The following FMN2 variants were observed in gnomAD, a reference collection of about 807,000 sequenced individuals.
FMN2 encodes the protein formin-2.
In FMN2, 51 loss-of-function variants were observed where a neutral mutation model predicts 142.3. The observed-to-expected ratio is 0.36, with a 90% CI of 0.29 to 0.45. The LOEUF (loss-of-function observed/expected upper bound fraction) is 0.45. FMN2 is among the 20% of genes least tolerant of loss of function. The pLI, the probability that FMN2 is intolerant of heterozygous loss-of-function variation, is 1.00. For synonymous variants in FMN2, 882 were observed against 869.8 expected, an observed-to-expected ratio of 1.01 and a Z score of -0.25; for missense variants, 1,936 against 2,122.8, an observed-to-expected ratio of 0.91 and a Z score of 1.73.
rs565860016 is a variant in FMN2 at position 240,228,119 on chromosome 1, C to T, written c.4065+16884C>T. ...GGGAGTTTGAGACCAGCCTGACCAA[C>T]ATGGAGAAACCCCATCTCTACTAAA... On this transcript the variant is annotated intron_variant, in intron 6 of 17. Coordinates refer to ENST00000319653, the MANE Select transcript of FMN2 (RefSeq NM_020066.5). Among the ~76,000 whole-genome samples the T allele has an allele frequency of 2.0e-5, 3 of 151,736 alleles. No individual in the cohort carries two copies. In the East Asian group the frequency reaches 5.8e-4, roughly 30 times the overall value.
At chr1:240,238,532 T>C (rs1667783230) in intron 6 of FMN2, among the ~76,000 whole-genome samples, 1 of 152,230 alleles carries the variant, frequency 6.6e-6, no homozygotes, top group Non-Finnish European at 1.5e-5. Flanking sequence ...GCGTGACTTA[T>C]TTAATCTTGT....
intron 1 of FMN2, among the ~76,000 whole-genome samples, chr1:240,101,983 T>C (rs2103177720): frequency 6.6e-6 from 1 of 152,324 alleles, no homozygotes; most frequent in South Asian, 2.1e-4. Context: ...CTTGGATGGA[T>C]TGTAGGCTTT....
chr1:240,118,508 CGTT>C (rs1370803253), intron 1 of FMN2, among the ~76,000 whole-genome samples: 1 of 152,130 alleles, frequency 6.6e-6, no homozygotes, highest in Non-Finnish European at 1.5e-5. Context: ...CCCCCTTCCT[CGTT>C]GTTGCTAACT....
chr1:240,215,267 A>G (rs1191317017), intron 6 of FMN2, among the ~76,000 whole-genome samples: 1 of 152,230 alleles, frequency 6.6e-6, no homozygotes, highest in Non-Finnish European at 1.5e-5. Flanking sequence ...ACCACAAGTC[A>G]TATTGTGTCC....
At chr1:240,368,162 A>C (rs1260196154) in intron 14 of FMN2, among the ~76,000 whole-genome samples, 1 of 152,186 alleles carries the variant, frequency 6.6e-6, no homozygotes, top group Non-Finnish European at 1.5e-5. Flanking sequence ...AAGTCTTGAA[A>C]TGTGAAAAGG....
chr1:240,374,999 T>G (rs1331740728), intron 14 of FMN2, among the ~76,000 whole-genome samples: 1 of 152,190 alleles, frequency 6.6e-6, no homozygotes, highest in African/African-American at 2.4e-5. Context: ...TGGCCTAATT[T>G]CAACATTGTA....
chr1:240,164,647 T>G (rs2103298479), intron 2 of FMN2, among the ~76,000 whole-genome samples: 1 of 152,330 alleles, frequency 6.6e-6, no homozygotes, highest in Non-Finnish European at 1.5e-5. Context: ...AAAAAGATCA[T>G]TACACTATCT....
intron 14 of FMN2, among the ~76,000 whole-genome samples, chr1:240,375,326 T>C (rs1673008579): frequency 6.6e-6 from 1 of 152,054 alleles, no homozygotes; most frequent in Admixed American, 6.6e-5. Flanking sequence ...CAATAGTCAT[T>C]CGACTACAGT....
rs745670012 is a variant in FMN2 at position 240,207,692 on chromosome 1, C to G, written c.2880C>G (p.Pro960=). The change falls in exon 5 of 18, where the codon CCC becomes CCG. Residue 960 remains proline, a synonymous_variant. Coordinates refer to ENST00000319653, the MANE Select transcript of FMN2 (RefSeq NM_020066.5). ...CAATACCCCCTCCGCCCCCTCTTCC[C>G]GGGGCAGGCATACCCCTTCCTCCCC... ...GAAIPPPPPL[P]GAGIPLPPPL... is the part of the protein sequence containing the mutation. 1.4e-6 allele frequency: 2 copies of G among 1,433,440 alleles called. No individual in the cohort carries two copies. Among genetic ancestry groups the G allele is most frequent in the Non-Finnish European group, 1.9e-6 (2 of 1,038,736 alleles). The allele number at this position is 1,433,440 out of a possible 1,614,324, so 88.8% of individuals were successfully genotyped here.
chr1:240,102,398 G>A (rs151017231), intron 1 of FMN2, among the ~76,000 whole-genome samples: 1 of 152,068 alleles, frequency 6.6e-6, no homozygotes. Context: ...TCTTTTAAAA[G>A]TATAATAAAA....
intron 15 of FMN2, among the ~76,000 whole-genome samples, chr1:240,418,824 T>C (rs945336942): frequency 7.2e-5 from 11 of 152,098 alleles, no homozygotes; most frequent in African/African-American, 2.2e-4. Flanking sequence ...TAAAGACTTA[T>C]AGCTGTGCAT....
chr1:240,462,209 A>T (rs539825065), intron 16 of FMN2, among the ~76,000 whole-genome samples: 1 of 152,174 alleles, frequency 6.6e-6, no homozygotes, highest in Non-Finnish European at 1.5e-5. Flanking sequence ...ATGAAAATAT[A>T]TTACATATAT....
At chr1:240,147,194 T>A (rs1056643744) in intron 2 of FMN2, among the ~76,000 whole-genome samples, 1 of 152,210 alleles carries the variant, frequency 6.6e-6, no homozygotes, top group Non-Finnish European at 1.5e-5. Context: ...TTAACTTAAA[T>A]AACTCAGTTA....
intron 15 of FMN2, among the ~76,000 whole-genome samples, chr1:240,401,903 C>T (rs76955461): frequency 0.012 from 1,838 of 152,260 alleles, 17 homozygotes; most frequent in Non-Finnish European, 0.017. Context: ...CCCAAGTTCC[C>T]GGGCCTCCAC....
intron 15 of FMN2, among the ~76,000 whole-genome samples, chr1:240,420,192 A>G (rs77481053): frequency 0.014 from 2,129 of 152,128 alleles, 55 homozygotes; most frequent in African/African-American, 0.05. Context: ...TGCATTCTTT[A>G]TGGCCTCTGG....
chr1:240,366,268 A>C (rs10926233), intron 14 of FMN2, among the ~76,000 whole-genome samples: 1 of 152,104 alleles, frequency 6.6e-6, no homozygotes, highest in African/African-American at 2.4e-5. Flanking sequence ...CCCCTTCAGA[A>C]ACAACCACTA....
intron 8 of FMN2, among the ~76,000 whole-genome samples, chr1:240,306,652 AT>A (rs1437356876): frequency 3.3e-5 from 5 of 152,200 alleles, no homozygotes; most frequent in African/African-American, 1.2e-4. Flanking sequence ...TCCACTGTTG[AT>A]GGACATCTAG....
At chr1:240,200,737 G>T (rs959246364) in intron 4 of FMN2, among the ~76,000 whole-genome samples, 14 of 152,060 alleles carry the variant, frequency 9.2e-5, no homozygotes, top group African/African-American at 3.4e-4. Flanking sequence ...TAGCAGGTTG[G>T]TTTTTTGTTC....
intron 2 of FMN2, among the ~76,000 whole-genome samples, chr1:240,160,681 T>C (rs1012471770): frequency 6.6e-6 from 1 of 151,956 alleles, no homozygotes; most frequent in African/African-American, 2.4e-5. Flanking sequence ...ATTGAAGGTT[T>C]GTTCTTTTAA....
Sources: allele counts gnomAD v4.1 joint callset (sites outside exome capture counted in the v4.1 genomes callset), GRCh38; gene constraint gnomAD v4.1.1; transcripts MANE v1.5; gene names NCBI Gene and HGNC (gene_info 2026-07-23, HGNC 2026-07-21).